The following SAMD5 variants were observed in gnomAD, a reference collection of about 807,000 sequenced individuals.
SAMD5 encodes sterile alpha motif domain containing 5, also known as sterile alpha motif domain-containing protein 5.
In SAMD5, 13 loss-of-function variants were observed where a neutral mutation model predicts 11.3. The ratio of observed to expected loss-of-function variants is 1.15; its 90% CI spans 0.75 to 1.83. The LOEUF (loss-of-function observed/expected upper bound fraction) is 1.83. SAMD5 is among the 40% of genes most tolerant of loss of function. The pLI is 0.00. For missense variants in SAMD5, 255 were observed against 239.1 expected (o/e 1.07, Z -0.44); for synonymous variants, 129 against 111.3 (o/e 1.16, Z -1.00).
intron 1 of SAMD5, among the ~76,000 whole-genome samples, chr6:147,603,730 TA>T (rs1789656433): frequency 6.6e-6 from 1 of 152,154 alleles, no homozygotes. Flanking sequence ...AGGGTTCATG[TA>T]AATTGACATT....
intron 1 of SAMD5, among the ~76,000 whole-genome samples, chr6:147,691,571 G>A (rs1791103725): frequency 6.6e-6 from 1 of 152,110 alleles, no homozygotes; most frequent in Non-Finnish European, 1.5e-5. Flanking sequence ...GTAGCAGCTT[G>A]GGAAGCTACA....
Position 147,565,422 on chromosome 6 carries a change from T to A in SAMD5, c.*966T>A. On this transcript the variant is annotated 3_prime_UTR_variant, in exon 2 of 2. Transcript: ENST00000367474. ...AATTAACAGGAATCTAGAGTTTTTCTAATTCTTATCGTCTTATCGTTCTTG... is the reference window on the plus strand; with the variant it reads ...AATTAACAGGAATCTAGAGTTTTTCAAATTCTTATCGTCTTATCGTTCTTG... 1 of 984,974 alleles carries A rather than the reference T, an allele frequency of 1.0e-6. No homozygotes were observed. Among genetic ancestry groups the A allele is most frequent in the Non-Finnish European group, 1.2e-6 (1 of 829,608 alleles). The allele number at this position is 984,974 out of a possible 1,614,324, so 61.0% of individuals were successfully genotyped here. A position where few individuals can be genotyped will look rare whatever the true frequency, so the allele number is the denominator to read the frequency against.
At chr6:147,667,664 C>T (rs1297104162) in intron 1 of SAMD5, among the ~76,000 whole-genome samples, 1 of 152,218 alleles carries the variant, frequency 6.6e-6, no homozygotes, top group African/African-American at 2.4e-5. Context: ...TGTTTTCCAT[C>T]ACACTGAGGT....
At chr6:147,764,017 G>A in the SAMD5 span, among the ~76,000 whole-genome samples, 1 of 152,192 alleles carries the variant, frequency 6.6e-6, no homozygotes, top group African/African-American at 2.4e-5. Flanking sequence ...ATTTTTGAGA[G>A]ATATTTCTTT....
chr6:147,839,508 G>T, the SAMD5 span, among the ~76,000 whole-genome samples: 2,302 of 152,276 alleles, frequency 0.015, 26 homozygotes, highest in Middle Eastern at 0.065. Flanking sequence ...CAGCATTTTG[G>T]GGGGGCTGAG....
rs965954756 is a variant in SAMD5, at chr6:147,711,879, T to C, written c.163-25438T>C. Among the ~76,000 whole-genome samples the C allele has an allele frequency of 2.0e-5, 3 of 152,324 alleles. No homozygotes were observed. The highest frequency in any genetic ancestry group is 2.9e-5 in the Non-Finnish European group (2 of 68,034). On this transcript the variant is annotated intron_variant, in intron 1 of 1. Transcript: ENST00000566741. This position sits in a 1 kb window ranked among gnomAD's most constrained non-coding sequence, Gnocchi z 4.1. ...CTAATTGCTTGCCAATCGAAAGCCC[T>C]ATTTACATAAACACCAGGGGCCCAC...
chr6:147,766,868 ACG>A, the SAMD5 span, among the ~76,000 whole-genome samples: 1 of 152,250 alleles, frequency 6.6e-6, no homozygotes, highest in Non-Finnish European at 1.5e-5. Context: ...GTTATTATAT[ACG>A]AGATTTGCAA....
chr6:147,915,139 T>C, the SAMD5 span, among the ~76,000 whole-genome samples: 2 of 152,192 alleles, frequency 1.3e-5, no homozygotes, highest in East Asian at 1.9e-4. Flanking sequence ...GATAAAAGTA[T>C]TGTGTCAATG....
At chr6:147,618,587 A>C (rs1789909362) in intron 1 of SAMD5, among the ~76,000 whole-genome samples, 1 of 152,190 alleles carries the variant, frequency 6.6e-6, no homozygotes, top group Non-Finnish European at 1.5e-5. Flanking sequence ...ACGCAGGGTG[A>C]CTGTCACCTC....
At chr6:147,595,651 T>C (rs995752598) in intron 1 of SAMD5, among the ~76,000 whole-genome samples, 1 of 150,866 alleles carries the variant, frequency 6.6e-6, no homozygotes, top group African/African-American at 2.4e-5. Flanking sequence ...CTCAGCCTCC[T>C]GAGTAGCTGG....
At chr6:147,694,271 T>G (rs1340077906) in intron 1 of SAMD5, among the ~76,000 whole-genome samples, 1 of 152,188 alleles carries the variant, frequency 6.6e-6, no homozygotes. Flanking sequence ...ATATTCTCTC[T>G]TTTTCAGTTT....
the SAMD5 span, among the ~76,000 whole-genome samples, chr6:147,794,152 T>C: frequency 1.3e-5 from 2 of 152,188 alleles, no homozygotes; most frequent in Non-Finnish European, 2.9e-5. Context: ...CTTATTTGAA[T>C]GAATAAATTT....
At chr6:147,680,630 G>C (rs1178854991) in intron 1 of SAMD5, among the ~76,000 whole-genome samples, 1 of 152,036 alleles carries the variant, frequency 6.6e-6, no homozygotes, top group African/African-American at 2.4e-5. Flanking sequence ...CATTAAGTAA[G>C]ATACTAGCTG....
At chr6:147,614,933 C>G (rs564013773) in intron 1 of SAMD5, among the ~76,000 whole-genome samples, 1 of 152,020 alleles carries the variant, frequency 6.6e-6, no homozygotes, top group South Asian at 2.1e-4. Context: ...ACATCTACAA[C>G]ATCTTTCTTG....
chr6:147,629,617 T>C (rs1790110213), intron 1 of SAMD5, among the ~76,000 whole-genome samples: 1 of 152,210 alleles, frequency 6.6e-6, no homozygotes, highest in African/African-American at 2.4e-5. Flanking sequence ...GAAGATCTTA[T>C]ATTATTTGAT....
chr6:147,800,752 T>C, the SAMD5 span, among the ~76,000 whole-genome samples: 1 of 152,252 alleles, frequency 6.6e-6, no homozygotes, highest in Non-Finnish European at 1.5e-5. Context: ...GCACTAATAA[T>C]AATAGTTTTC....
the SAMD5 span, among the ~76,000 whole-genome samples, chr6:147,776,409 A>G: frequency 2.0e-4 from 31 of 152,198 alleles, no homozygotes; most frequent in Non-Finnish European, 7.3e-5. Context: ...TCACCAAGAA[A>G]AAATAGCAGA....
At chr6:147,849,588 ATTTAGC>A in the SAMD5 span, among the ~76,000 whole-genome samples, 3 of 152,160 alleles carry the variant, frequency 2.0e-5, no homozygotes, top group African/African-American at 7.2e-5. Flanking sequence ...TTGTATCCTG[ATTTAGC>A]ACTAATGTTG....
At chr6:147,571,285 T>C (rs759361593), downstream of SAMD5, among the ~76,000 whole-genome samples, 1 of 152,222 alleles carries the variant, frequency 6.6e-6, no homozygotes, top group East Asian at 1.9e-4. Context: ...TAAGTGTTTG[T>C]TAAAGAATAG....
Sources: allele counts gnomAD v4.1 joint callset (sites outside exome capture counted in the v4.1 genomes callset), GRCh38; gene constraint gnomAD v4.1.1; non-coding constraint Gnocchi (gnomAD v3.1); transcripts MANE v1.5; gene names NCBI Gene and HGNC (gene_info 2026-07-23, HGNC 2026-07-21).